Variants in FAM149A observed in about 807,000 individuals in gnomAD.
FAM149A encodes family with sequence similarity 149 member A, also known as protein FAM149A.
FAM149A carries 71 observed loss-of-function variants against 78.2 expected under a neutral mutation model. The observed-to-expected ratio is 0.91, with a 90% CI of 0.75 to 1.11. The LOEUF is 1.11. Among genes scored for constraint, FAM149A ranks in the 50% least tolerant of loss-of-function variants. FAM149A has a pLI of 0.00. For synonymous variants in FAM149A, 446 were observed against 410.5 expected, an observed-to-expected ratio of 1.09 and a Z score of -1.04; for missense variants, 1,036 against 971.0, an observed-to-expected ratio of 1.07 and a Z score of -0.89.
At chr4:186,155,530 G>A (rs887847218) in intron 6 of FAM149A, among the ~76,000 whole-genome samples, 1 of 151,392 alleles carries the variant, frequency 6.6e-6, no homozygotes, top group Non-Finnish European at 1.5e-5. Flanking sequence ...AAACCTAAAG[G>A]GAAATCAAAA....
chr4:186,157,758 C>CT (rs1561411253), intron 8 of FAM149A, 39 bp downstream of exon 8: 7 of 1,581,594 alleles, frequency 4.4e-6, no homozygotes, highest in Non-Finnish European at 4.3e-6. Context: ...TGCCTTCACT[C>CT]TGTGTGTCTG....
At position 186,121,968 on chromosome 4, in the gene FAM149A, T is replaced by G. The variant is rs140665855; in HGVS notation, c.566+16326T>G. Among the ~76,000 whole-genome samples the G allele has an allele frequency of 3.9e-3, 588 of 152,312 alleles. 2 individuals carry two copies. The highest frequency in any genetic ancestry group is 0.013 in the African/African-American group (549 of 41,566). ...GCCGACCAACCCAGATCCAGCCCCA[T>G]GAACTTACCAAGACAGTGACTTCCT... On this transcript the variant is annotated intron_variant, in intron 1 of 13. Coordinates refer to ENST00000389354, the MANE Select transcript of FAM149A (RefSeq NM_001367768.3).
In FAM149A at chr4:186,152,457, T is replaced by C. The variant is rs112546526; in HGVS notation, c.932+412T>C. On this transcript the variant is annotated intron_variant, in intron 4 of 13. Coordinates refer to ENST00000389354, the MANE Select transcript of FAM149A (RefSeq NM_001367768.3). ...CTTCCCATCTCACCCATTCCTTATG[T>C]AGGGAGGAGCATGTGTTACTTTTCA... 3.4e-3 allele frequency among the ~76,000 whole-genome samples: 517 copies of C among 151,768 alleles called. 2 individuals are homozygous for C. Among genetic ancestry groups the C allele is most frequent in the African/African-American group, 0.011 (465 of 41,374 alleles).
chr4:186,169,320 G>C (rs1236500290), intron 13 of FAM149A: 2 of 985,294 alleles, frequency 2.0e-6, no homozygotes, highest in South Asian at 9.4e-5. Context: ...CAAGGCCCCT[G>C]ATCTCACGAC....
chr4:186,111,969 C>CTGTAAG (rs2099311476), intron 1 of FAM149A, among the ~76,000 whole-genome samples: 1 of 151,376 alleles, frequency 6.6e-6, no homozygotes. Context: ...GGCATTGAAT[C>CTGTAAG]TGTAAATTAC....
At chr4:186,136,936 A>ATCTCTCTC (rs142934788) in intron 1 of FAM149A, among the ~76,000 whole-genome samples, 30 of 88,106 alleles carry the variant, frequency 3.4e-4, no homozygotes, top group African/African-American at 1.0e-3. Flanking sequence ...ACACTGATTG[A>ATCTCTCTC]TCTCTCTCTC....
intron 3 of FAM149A, among the ~76,000 whole-genome samples, chr4:186,150,567 C>G (rs1190354516): frequency 2.7e-5 from 2 of 75,394 alleles, no homozygotes; most frequent in African/African-American, 4.8e-5. Flanking sequence ...CCACAGGCGC[C>G]CACCACCACG....
intron 1 of FAM149A, chr4:186,110,242 A>G: frequency 1.0e-6 from 1 of 985,414 alleles, no homozygotes; most frequent in Non-Finnish European, 1.2e-6. Context: ...GGCAGTTTAA[A>G]TGTCTTTCTT....
chr4:186,109,965 T>G (rs116531734), intron 1 of FAM149A: 1 of 985,342 alleles, frequency 1.0e-6, no homozygotes, highest in South Asian at 4.7e-5. Context: ...TTTACCACTC[T>G]GGGATCAAAC....
intron 1 of FAM149A, chr4:186,125,865 A>G (rs903455902): frequency 1.5e-5 from 15 of 985,312 alleles, no homozygotes; most frequent in African/African-American, 1.7e-5. Flanking sequence ...GAAGCAACGT[A>G]GAGGAGTGGA....
At chr4:186,126,874 G>T in intron 1 of FAM149A, 1 of 985,098 alleles carries the variant, frequency 1.0e-6, no homozygotes, top group Non-Finnish European at 1.2e-6. Flanking sequence ...CCCAATACAG[G>T]GGGAGGAAGA....
In FAM149A at chr4:186,162,858, C is replaced by T. The variant is rs774570429; in HGVS notation, c.1589C>T (p.Ser530Phe). The stretch of plus-strand genomic sequence containing the variant: ...TACTGTTCTCAGATTCATCACTTCT[C>T]CAGCAGTTTTTATAGTGACATGAAT... Residue 530 changes from serine (S) to phenylalanine (F), a missense_variant, in exon 9 of 14, where the codon TCC becomes TTC. By Grantham distance (155) the Ser-to-Phe change is radical. Coordinates refer to ENST00000389354, the MANE Select transcript of FAM149A (RefSeq NM_001367768.3). The T allele has an allele frequency of 7.3e-7, 1 of 1,361,208 alleles. No individual in the cohort carries two copies. Among genetic ancestry groups the T allele is most frequent in the Non-Finnish European group, 1.0e-6 (1 of 971,398 alleles). 84.3% of individuals were successfully genotyped at this position (1,361,208 alleles called of 1,614,324 possible). A position where few individuals can be genotyped will look rare whatever the true frequency, so the allele number is the denominator to read the frequency against.
chr4:186,115,300 A>AT (rs758938626), intron 1 of FAM149A, among the ~76,000 whole-genome samples: 82,484 of 84,024 alleles, frequency 0.98, 40,562 homozygotes, highest in Non-Finnish European at 1. Flanking sequence ...ATTCTTCTAA[A>AT]TTTTTTTCAA....
chr4:186,152,925 G>T (rs967514053), intron 4 of FAM149A, among the ~76,000 whole-genome samples: 2 of 152,118 alleles, frequency 1.3e-5, no homozygotes, highest in Non-Finnish European at 2.9e-5. Context: ...TGTGGATTCT[G>T]TCTGGGGAGA....
intron 8 of FAM149A, chr4:186,157,994 G>A: frequency 8.7e-6 from 13 of 1,489,736 alleles, no homozygotes; most frequent in Non-Finnish European, 1.1e-5. Flanking sequence ...TTGGCTTCCA[G>A]ATGGAGCAGT....
At chr4:186,156,282 C>G in intron 7 of FAM149A, 92 bp downstream of exon 7, 1 of 1,022,498 alleles carries the variant, frequency 9.8e-7, no homozygotes, top group Non-Finnish European at 1.4e-6. Context: ...AGACCTAGAA[C>G]GTGACCAGTG....
At position 186,166,973 on chromosome 4, in the gene FAM149A, A is replaced by G. The variant is rs1380995204; in HGVS notation, c.2016A>G (p.Arg672=). Residue 672 remains arginine (R), a synonymous_variant, in exon 12 of 14, where the codon AGA becomes AGG. Coordinates refer to ENST00000389354, the MANE Select transcript of FAM149A (RefSeq NM_001367768.3). ...ACATACTATCCTTCATTTAGTACAGAGGAAGGCATCTACAAAACCGTGTGT... is the reference window on the plus strand; with the variant it reads ...ACATACTATCCTTCATTTAGTACAGGGGAAGGCATCTACAAAACCGTGTGT... 1 of 1,613,630 alleles carries G rather than the reference A, an allele frequency of 6.2e-7. No homozygotes were observed. Among genetic ancestry groups the G allele is most frequent in the Non-Finnish European group, 8.5e-7 (1 of 1,179,790 alleles).
At position 186,104,943 on chromosome 4, in the gene FAM149A, G is replaced by C. The variant is rs2150072292; in HGVS notation, c.-134G>C. ...CGGAGCTGAGCGTCCTCGGGGAGGAGAGGGAGCCAGGGGCCTCCGGGGCTC... is the reference window on the plus strand; with the variant it reads ...CGGAGCTGAGCGTCCTCGGGGAGGACAGGGAGCCAGGGGCCTCCGGGGCTC... On this transcript the variant is annotated 5_prime_UTR_variant, in exon 1 of 14. Coordinates refer to ENST00000389354, the MANE Select transcript of FAM149A (RefSeq NM_001367768.3). The C allele has an allele frequency of 1.9e-5, 22 of 1,155,518 alleles. No individual in the cohort carries two copies. Among genetic ancestry groups the C allele is most frequent in the Non-Finnish European group, 2.3e-5 (21 of 930,698 alleles). 71.6% of individuals were successfully genotyped at this position (1,155,518 alleles called of 1,614,324 possible).
At chr4:186,155,536 C>A (rs556109668) in intron 6 of FAM149A, among the ~76,000 whole-genome samples, 27 of 151,978 alleles carry the variant, frequency 1.8e-4, no homozygotes, top group African/African-American at 5.8e-4. Context: ...AAAGGGAAAT[C>A]AAAAAATATA....
Sources: allele counts gnomAD v4.1 joint callset (sites outside exome capture counted in the v4.1 genomes callset), GRCh38; gene constraint gnomAD v4.1.1; transcripts MANE v1.5; gene names NCBI Gene and HGNC (gene_info 2026-07-23, HGNC 2026-07-21).